The following COL13A1 variants were observed in gnomAD, a reference collection of about 807,000 sequenced individuals.
COL13A1 encodes collagen type XIII alpha 1 chain.
Under a neutral mutation model 130.9 loss-of-function variants are expected in COL13A1, and 89 were observed. The ratio of observed to expected loss-of-function variants is 0.68; its 90% CI spans 0.57 to 0.81. The LOEUF (loss-of-function observed/expected upper bound fraction) is 0.81. COL13A1 is among the 30% of genes least tolerant of loss of function. COL13A1 has a pLI of 0.00. For synonymous variants in COL13A1, 402 were observed against 341.6 expected, an observed-to-expected ratio of 1.18 and a Z score of -1.95; for missense variants, 879 against 934.6, an observed-to-expected ratio of 0.94 and a Z score of 0.78.
At chr10:69,829,154 C>A in intron 2 of COL13A1, 1 of 852,062 alleles carries the variant, frequency 1.2e-6, no homozygotes. Context: ...CACCATTTCC[C>A]TCACACCCCG....
At chr10:69,956,905 C>A in intron 39 of COL13A1, 99 bp from the exon 40 acceptor site, 1 of 882,496 alleles carries the variant, frequency 1.1e-6, no homozygotes, top group South Asian at 1.4e-5. Flanking sequence ...ACATCCTGAT[C>A]AGCTGCCAAA....
intron 10 of COL13A1, among the ~76,000 whole-genome samples, chr10:69,891,278 GT>G (rs1380982659): frequency 7.2e-5 from 11 of 152,230 alleles, no homozygotes; most frequent in African/African-American, 2.7e-4. Flanking sequence ...CAGGCCAAAG[GT>G]CGGAGACGGC....
At chr10:69,897,395 AG>A in intron 13 of COL13A1, 2 of 1,426,912 alleles carry the variant, frequency 1.4e-6, no homozygotes, top group Non-Finnish European at 1.9e-6. Context: ...GGTGGGGAGC[AG>A]GGGAGCTGGT....
chr10:69,871,479 C>T (rs2059065080), intron 3 of COL13A1, among the ~76,000 whole-genome samples: 1 of 152,186 alleles, frequency 6.6e-6, no homozygotes, highest in African/African-American at 2.4e-5. Context: ...CCACATTCCC[C>T]AAGGACTCCC....
rs142156399 is a variant in COL13A1, at chr10:69,805,570, G to A, written c.294+2853G>A. ...AAATTTTAGCTTGTCTGTTGCAACAGCCTGGTTTCAAGTGCTCAGTGGACA... is the reference window on the plus strand; with the variant it reads ...AAATTTTAGCTTGTCTGTTGCAACAACCTGGTTTCAAGTGCTCAGTGGACA... On this transcript the variant is annotated intron_variant, in intron 1 of 40. Transcript: ENST00000645393. 1.2e-3 allele frequency among the ~76,000 whole-genome samples: 181 copies of A among 152,318 alleles called. 1 individual carries two copies. Among genetic ancestry groups the A allele is most frequent in the African/African-American group, 4.1e-3 (170 of 41,566 alleles).
intron 13 of COL13A1, among the ~76,000 whole-genome samples, chr10:69,898,183 C>T (rs1029704858): frequency 3.9e-5 from 6 of 152,194 alleles, no homozygotes; most frequent in African/African-American, 1.4e-4. Flanking sequence ...AACCCACCAG[C>T]CGCACACCAG....
At chr10:69,863,383 C>T (rs1291667381) in intron 2 of COL13A1, among the ~76,000 whole-genome samples, 2 of 152,168 alleles carry the variant, frequency 1.3e-5, no homozygotes, top group African/African-American at 4.8e-5. Flanking sequence ...ATGCACAGCA[C>T]CTGTCCTGGC....
At chr10:69,882,793 G>A (rs568134497) in intron 7 of COL13A1, among the ~76,000 whole-genome samples, 1 of 152,216 alleles carries the variant, frequency 6.6e-6, no homozygotes, top group African/African-American at 2.4e-5. Context: ...GAGTCTTAAC[G>A]AAGCCCAGCA....
intron 13 of COL13A1, chr10:69,897,437 C>T (rs372658339): frequency 5.6e-6 from 9 of 1,609,962 alleles, no homozygotes; most frequent in East Asian, 2.2e-5. Flanking sequence ...CGGTCCCTGT[C>T]GCCCTGTCTC....
chr10:69,949,933 T>C (rs1308582958), intron 38 of COL13A1, among the ~76,000 whole-genome samples: 1 of 106,594 alleles, frequency 9.4e-6, no homozygotes, highest in African/African-American at 4.6e-5. Context: ...CGCATGTTTG[T>C]GTGTGTGTGT....
chr10:69,896,819 C>T (rs1315664153), intron 13 of COL13A1, among the ~76,000 whole-genome samples: 4 of 152,230 alleles, frequency 2.6e-5, no homozygotes, highest in African/African-American at 7.2e-5. Flanking sequence ...AGCCTGTCAG[C>T]GGCATGTGCT....
chr10:69,917,188 G>A, intron 17 of COL13A1, 101 bp from the exon 18 acceptor site: 3 of 1,452,892 alleles, frequency 2.1e-6, no homozygotes, highest in Admixed American at 1.8e-5. Flanking sequence ...GAACCGGACA[G>A]CCATCCCAGC....
At chr10:69,895,792 A>G (rs1380675893) in intron 13 of COL13A1, among the ~76,000 whole-genome samples, 2 of 152,088 alleles carry the variant, frequency 1.3e-5, no homozygotes, top group Non-Finnish European at 2.9e-5. Context: ...CATGTGCTAT[A>G]TGGAGCCGCT....
At chr10:69,806,555 C>T (rs1383221099) in intron 1 of COL13A1, among the ~76,000 whole-genome samples, 1 of 152,230 alleles carries the variant, frequency 6.6e-6, no homozygotes, top group African/African-American at 2.4e-5. Flanking sequence ...CAGCGCCTCT[C>T]TCCTGGTCTG....
chr10:69,923,254 A>G (rs951634766), intron 23 of COL13A1, among the ~76,000 whole-genome samples: 4 of 152,186 alleles, frequency 2.6e-5, no homozygotes, highest in Non-Finnish European at 4.4e-5. Context: ...CCCACCTGGT[A>G]CCAGCACATC....
At chr10:69,897,609 C>T (rs1400101082) in intron 13 of COL13A1, 15 of 1,510,992 alleles carry the variant, frequency 9.9e-6, no homozygotes, top group Middle Eastern at 1.7e-4. Context: ...ATTGCACATC[C>T]CCAGGCCCCG....
At chr10:69,896,920 C>T (rs202107844) in intron 13 of COL13A1, among the ~76,000 whole-genome samples, 2 of 152,150 alleles carry the variant, frequency 1.3e-5, no homozygotes, top group East Asian at 1.9e-4. Context: ...GATGGGCTCA[C>T]GGGGTTATTA....
chr10:69,849,608 G>C (rs1214070260), intron 2 of COL13A1, among the ~76,000 whole-genome samples: 1 of 152,184 alleles, frequency 6.6e-6, no homozygotes, highest in Admixed American at 6.5e-5. Flanking sequence ...GACCCTCCTA[G>C]CATGTGGGAA....
intron 4 of COL13A1, 53 bp from the exon 5 acceptor site, chr10:69,875,075 A>G (rs1417291508): frequency 1.2e-6 from 2 of 1,613,180 alleles, no homozygotes; most frequent in Admixed American, 1.7e-5. Flanking sequence ...GGTCCTTCAC[A>G]TGCTAGCCTG....
Sources: allele counts gnomAD v4.1 joint callset (sites outside exome capture counted in the v4.1 genomes callset), GRCh38; gene constraint gnomAD v4.1.1; transcripts MANE v1.5; gene names NCBI Gene and HGNC (gene_info 2026-07-23, HGNC 2026-07-21).